DOK7: variants seen among roughly 807,000 people sequenced by gnomAD.
DOK7 encodes docking protein 7.
Under a neutral mutation model 30.7 loss-of-function variants are expected in DOK7, and 32 were observed. That is an observed-to-expected ratio of 1.04 (90% CI 0.79 to 1.40). DOK7 has a LOEUF of 1.40. Ranked by LOEUF, DOK7 falls within the 40% of genes most tolerant of loss-of-function variation. DOK7 has a pLI of 0.00. For synonymous variants in DOK7, 447 were observed against 324.1 expected, an observed-to-expected ratio of 1.38 and a Z score of -4.07; for missense variants, 1,007 against 699.2, an observed-to-expected ratio of 1.44 and a Z score of -4.97.
intron 6 of DOK7, among the ~76,000 whole-genome samples, chr4:3,490,571 C>T (rs1176752196): frequency 1.9e-5 from 1 of 54,026 alleles, no homozygotes; most frequent in Non-Finnish European, 3.2e-5. Flanking sequence ...TTCGTTTTTT[C>T]CTTCTCTCTC....
In DOK7 at chr4:3,490,134, C is replaced by T. The variant is rs1221853369; in HGVS notation, c.772+338C>T. Among the ~76,000 whole-genome samples, 9 of 55,934 alleles carry T rather than the reference C, an allele frequency of 1.6e-4. No individual in the cohort carries two copies. The East Asian group carries it at 4.5e-3, about 28-fold the overall frequency. 36.7% of individuals were successfully genotyped at this position (55,934 alleles called of 152,430 possible). A position where few individuals can be genotyped will look rare whatever the true frequency, so the allele number is the denominator to read the frequency against. ...CCCATTCATTCCTTTTCTCCCTGCT[C>T]ATTCATTCCTTCCTTCCCCACCCTG... On this transcript the variant is annotated intron_variant, in intron 6 of 6. Transcript: ENST00000340083.
intron 2 of DOK7, among the ~76,000 whole-genome samples, chr4:3,469,625 C>G (rs560819213): frequency 6.6e-6 from 1 of 152,260 alleles, no homozygotes; most frequent in South Asian, 2.1e-4. Context: ...CTGAGTCCCC[C>G]AGACCTGTGT....
At position 3,485,387 on chromosome 4, in the gene DOK7, G is replaced by A. The variant is rs1407154645; in HGVS notation, c.533-152G>A. ...ACCCGGATTCACGGGGCCAGGCGGGGTGTCGGCTCTGGGCATCTGACTTCG... is the reference window on the plus strand; with the variant it reads ...ACCCGGATTCACGGGGCCAGGCGGGATGTCGGCTCTGGGCATCTGACTTCG... On this transcript the variant is annotated intron_variant, in intron 4 of 6. Coordinates refer to ENST00000340083, the MANE Select transcript of DOK7 (RefSeq NM_173660.5). 5 of 1,056,366 alleles carry A rather than the reference G, an allele frequency of 4.7e-6. No individual in the cohort carries two copies. In the African/African-American group the frequency reaches 4.9e-5, roughly 10 times the overall value. 65.4% of individuals were successfully genotyped at this position (1,056,366 alleles called of 1,614,324 possible).
intron 2 of DOK7, among the ~76,000 whole-genome samples, chr4:3,473,030 C>G (rs1346286718): frequency 2.6e-5 from 4 of 152,212 alleles, no homozygotes; most frequent in Non-Finnish European, 5.9e-5. Flanking sequence ...AGCCACCGGG[C>G]AGGCCCCACG....
At chr4:3,484,823 G>T (rs916929060) in intron 4 of DOK7, 2 of 985,346 alleles carry the variant, frequency 2.0e-6, no homozygotes, top group Non-Finnish European at 2.4e-6. Flanking sequence ...CAGCAGTGAC[G>T]GCTGCAGCAT....
chr4:3,499,900 G>C (rs1237267477), intron 6 of DOK7, among the ~76,000 whole-genome samples: 5 of 152,014 alleles, frequency 3.3e-5, no homozygotes, highest in Non-Finnish European at 7.4e-5. Flanking sequence ...TTGGTGGAGA[G>C]AGTTGGGAAG....
intron 2 of DOK7, among the ~76,000 whole-genome samples, chr4:3,468,384 G>A (rs1283269857): frequency 2.0e-5 from 3 of 152,096 alleles, no homozygotes; most frequent in Admixed American, 6.5e-5. Context: ...GTGCAAGTGT[G>A]TGCCGGTGTC....
intron 2 of DOK7, 86 bp downstream of exon 2, chr4:3,463,637 A>G (rs1451022930): frequency 1.4e-6 from 2 of 1,474,004 alleles, no homozygotes; most frequent in Admixed American, 4.0e-5. Context: ...GCTTGCCCAA[A>G]ATCGCCGCCG....
chr4:3,471,078 C>T (rs1389763379), intron 2 of DOK7, among the ~76,000 whole-genome samples: 2 of 152,208 alleles, frequency 1.3e-5, no homozygotes, highest in Admixed American at 6.5e-5. Flanking sequence ...AGTGTGTGCC[C>T]CTTGCTGAGC....
At chr4:3,480,079 T>C (rs959785534) in intron 4 of DOK7, among the ~76,000 whole-genome samples, 12 of 152,086 alleles carry the variant, frequency 7.9e-5, no homozygotes, top group African/African-American at 2.7e-4. Flanking sequence ...GCACAGACGG[T>C]GGTGGGCCCC....
chr4:3,476,541 C>T lies in DOK7; in HGVS notation c.531C>T (p.Tyr177=). The T allele has an allele frequency of 6.2e-7, 1 of 1,613,852 alleles. No individual in the cohort carries two copies. The highest frequency in any genetic ancestry group is 8.5e-7 in the Non-Finnish European group (1 of 1,180,030). Residue 177 remains tyrosine, a splice_region_variant and synonymous_variant, in exon 4 of 7, where the codon TAC becomes TAT. Coordinates refer to ENST00000340083, the MANE Select transcript of DOK7 (RefSeq NM_173660.5). ...TTGAAGGCGGGACCAGGTGTGGGTA[C>T]TGTAAGTACGGATGTGTGGGGTCAC... ...FIFEGGTRCG[Y]WAGVFFLSSA...
intron 4 of DOK7, among the ~76,000 whole-genome samples, chr4:3,478,385 C>A (rs1411200284): frequency 6.6e-6 from 1 of 151,926 alleles, no homozygotes; most frequent in East Asian, 1.9e-4. Flanking sequence ...GCTACTGTGC[C>A]GTTTTCCTGG....
At chr4:3,498,202 T>C (rs1729018818), downstream of DOK7, among the ~76,000 whole-genome samples, 1 of 152,094 alleles carries the variant, frequency 6.6e-6, no homozygotes, top group Non-Finnish European at 1.5e-5. Flanking sequence ...TCCGAGGTAC[T>C]GGAAGCGATG....
chr4:3,483,686 G>T, intron 4 of DOK7, among the ~76,000 whole-genome samples: 1 of 152,188 alleles, frequency 6.6e-6, no homozygotes, highest in Middle Eastern at 3.2e-3. Context: ...ATTGTCCCGT[G>T]GCCACTGCCA....
intron 2 of DOK7, among the ~76,000 whole-genome samples, chr4:3,463,864 AC>A (rs1008084089): frequency 5.3e-5 from 8 of 152,034 alleles, no homozygotes; most frequent in African/African-American, 1.9e-4. Flanking sequence ...AGCCCCACAT[AC>A]CTGAGGGTTG....
At position 3,468,710 on chromosome 4, in the gene DOK7, GTGTA is replaced by G. The variant is rs1398686288; in HGVS notation, c.101-4692_101-4689del. 5.4e-5 allele frequency among the ~76,000 whole-genome samples: 8 copies of G among 148,942 alleles called. No homozygotes were observed. In the East Asian group the frequency reaches 1.2e-3, roughly 22 times the overall value. Reference sequence around the variant, plus strand: ...TGTGCATGTATGTCTGTGTATGTGTGTGTATGTGTGCGTGCCTGTATGTCTGCCT... The same window carrying G: ...TGTGCATGTATGTCTGTGTATGTGTGTGTGTGCGTGCCTGTATGTCTGCCT... On this transcript the variant is annotated intron_variant, in intron 2 of 6. Coordinates refer to ENST00000340083, the MANE Select transcript of DOK7 (RefSeq NM_173660.5).
Position 3,493,727 on chromosome 4 carries a change from CG to C in DOK7, c.*230del. ...GGCAGGGGCTCTGGGTCCGGCAGGT[CG>C]GGGTCACCAGAGCCCCAATGCTCAG... is the stretch of plus-strand genomic sequence containing the variant. On this transcript the variant is annotated 3_prime_UTR_variant, in exon 7 of 7. Transcript: ENST00000340083. The C allele has an allele frequency of 7.0e-7, 1 of 1,422,666 alleles. No homozygotes were observed. The highest frequency in any genetic ancestry group is 9.2e-7 in the Non-Finnish European group (1 of 1,092,568). The allele number at this position is 1,422,666 out of a possible 1,614,324, so 88.1% of individuals were successfully genotyped here.
At chr4:3,467,558 C>T (rs1434845358) in intron 2 of DOK7, among the ~76,000 whole-genome samples, 1 of 149,980 alleles carries the variant, frequency 6.7e-6, no homozygotes, top group Non-Finnish European at 1.5e-5. Context: ...AGCGTGTGTG[C>T]ACGTGCGTGT....
chr4:3,489,149 C>T (rs999354430), intron 5 of DOK7, among the ~76,000 whole-genome samples: 66 of 152,210 alleles, frequency 4.3e-4, no homozygotes, highest in East Asian at 7.8e-4. Context: ...GCCGAGGGTC[C>T]GCAGACCACC....
Sources: gnomAD v4.1 joint callset for allele counts (sites outside exome capture counted in the v4.1 genomes callset) on GRCh38, gnomAD v4.1.1 for gene constraint, MANE v1.5 for transcripts, NCBI Gene and HGNC (gene_info 2026-07-23, HGNC 2026-07-21) for gene names.